The following MCF2L2 variants were observed in gnomAD, a reference collection of about 807,000 sequenced individuals.
MCF2L2 encodes probable guanine nucleotide exchange factor MCF2L2.
Under a neutral mutation model 150.2 loss-of-function variants are expected in MCF2L2, and 102 were observed. The ratio of observed to expected loss-of-function variants is 0.68; its 90% CI spans 0.58 to 0.80. MCF2L2 has a LOEUF of 0.80. Ranked by LOEUF, MCF2L2 falls within the 30% of genes least tolerant of loss-of-function variation. The pLI is 0.00. For missense variants in MCF2L2, 1,256 were observed against 1,372.8 expected, an observed-to-expected ratio of 0.91 and a Z score of 1.34; for synonymous variants, 465 against 491.3, an observed-to-expected ratio of 0.95 and a Z score of 0.71.
rs61537238 is a variant in MCF2L2 at position 183,350,700 on chromosome 3, C to T, written c.276-9070G>A. On this transcript the variant is annotated intron_variant, in intron 3 of 29. Coordinates refer to ENST00000328913, the MANE Select transcript of MCF2L2 (RefSeq NM_015078.4). Reference sequence around the variant, plus strand: ...CAGGTGGATCACGAGGTCAGGAGATCGAGACCATCCTGTCTAACACGGTGA... The same window carrying T: ...CAGGTGGATCACGAGGTCAGGAGATTGAGACCATCCTGTCTAACACGGTGA... Among the ~76,000 whole-genome samples, 26 of 152,188 alleles carry T rather than the reference C, an allele frequency of 1.7e-4. No homozygotes were observed. In the East Asian group the frequency reaches 5.0e-3, roughly 29 times the overall value.
chr3:183,214,830 C>CA (rs576928280), intron 22 of MCF2L2, among the ~76,000 whole-genome samples: 11,156 of 123,884 alleles, frequency 0.09, 513 homozygotes, highest in Middle Eastern at 0.16. Flanking sequence ...ACTAAAAATA[C>CA]AAAAAAAAAA....
intron 10 of MCF2L2, among the ~76,000 whole-genome samples, chr3:183,304,033 C>T (rs988388696): frequency 1.1e-4 from 17 of 152,298 alleles, no homozygotes; most frequent in African/African-American, 4.1e-4. Context: ...CACCTGCTGT[C>T]TGCCTAGAAA....
In MCF2L2 at chr3:183,368,963, T is replaced by C. The variant is rs145685571; in HGVS notation, c.275+10334A>G. Among the ~76,000 whole-genome samples the C allele has an allele frequency of 3.5e-3, 537 of 152,358 alleles. 3 individuals carry two copies. Among genetic ancestry groups the C allele is most frequent in the African/African-American group, 0.012 (518 of 41,572 alleles). ...GATTATTCAATCAGAAAGGTATTTG[T>C]GCAAATGCTTAGAATCCTTTAAGAA... On this transcript the variant is annotated intron_variant, in intron 3 of 29. Coordinates refer to ENST00000328913, the MANE Select transcript of MCF2L2 (RefSeq NM_015078.4).
At chr3:183,401,504 G>C (rs1430275292) in intron 1 of MCF2L2, among the ~76,000 whole-genome samples, 1 of 152,130 alleles carries the variant, frequency 6.6e-6, no homozygotes, top group Non-Finnish European at 1.5e-5. Context: ...ATTTCGGTGA[G>C]CTTTGACAAA....
intron 1 of MCF2L2, among the ~76,000 whole-genome samples, chr3:183,393,734 CCATGGG>C (rs1403625012): frequency 6.6e-6 from 1 of 152,184 alleles, no homozygotes; most frequent in Non-Finnish European, 1.5e-5. Flanking sequence ...CCAGCATGTC[CCATGGG>C]AATTCCACTG....
intron 8 of MCF2L2, among the ~76,000 whole-genome samples, chr3:183,311,414 G>A (rs957079358): frequency 5.9e-5 from 9 of 152,156 alleles, no homozygotes; most frequent in African/African-American, 2.2e-4. Flanking sequence ...CAAAATCCTA[G>A]GGTGGGAACA....
At chr3:183,304,802 A>G (rs73068063) in intron 10 of MCF2L2, among the ~76,000 whole-genome samples, 1,921 of 152,070 alleles carry the variant, frequency 0.013, 45 homozygotes, top group African/African-American at 0.044. Context: ...TCTTTGGTTC[A>G]CTGCTGTGTC....
intron 27 of MCF2L2, among the ~76,000 whole-genome samples, chr3:183,189,129 G>A (rs1297194023): frequency 6.6e-6 from 1 of 152,190 alleles, no homozygotes; most frequent in Non-Finnish European, 1.5e-5. Flanking sequence ...AGCAGCTAGA[G>A]CAGTCTTGAA....
chr3:183,279,452 C>G (rs889844491), intron 14 of MCF2L2, among the ~76,000 whole-genome samples: 1 of 152,178 alleles, frequency 6.6e-6, no homozygotes, highest in Admixed American at 6.5e-5. Flanking sequence ...CTTATGAGCT[C>G]CATTGAATGA....
At chr3:183,409,551 C>A (rs1037858669) in intron 1 of MCF2L2, among the ~76,000 whole-genome samples, 10 of 121,748 alleles carry the variant, frequency 8.2e-5, no homozygotes, top group South Asian at 2.7e-4. Context: ...GCTAAAATTT[C>A]TTTTTTTTTT....
intron 1 of MCF2L2, among the ~76,000 whole-genome samples, chr3:183,423,355 A>T (rs1715983185): frequency 6.6e-6 from 1 of 152,186 alleles, no homozygotes; most frequent in African/African-American, 2.4e-5. Context: ...CAGAAGTAGC[A>T]ACCTGGGTTA....
chr3:183,340,716 G>A (rs1232402631), intron 4 of MCF2L2, among the ~76,000 whole-genome samples: 2 of 152,140 alleles, frequency 1.3e-5, no homozygotes. Context: ...GCTGAGGTGG[G>A]CAGATCACTT....
chr3:183,298,765 G>GCGCACGCGCGCACACACACA, intron 11 of MCF2L2: 5 of 138,500 alleles, frequency 3.6e-5, no homozygotes, highest in Admixed American at 1.4e-4. Flanking sequence ...AAACACACAT[G>GCGCACGCGCGCACACACACA]CACACACACA....
chr3:183,222,613 C>CTTGTTT (rs373581618), intron 20 of MCF2L2, among the ~76,000 whole-genome samples: 7 of 151,948 alleles, frequency 4.6e-5, no homozygotes, highest in African/African-American at 1.2e-4. Flanking sequence ...ACAGTAGGTG[C>CTTGTTT]TTGTTTTTGT....
At chr3:183,230,166 T>G (rs1313679282) in intron 16 of MCF2L2, among the ~76,000 whole-genome samples, 1 of 152,194 alleles carries the variant, frequency 6.6e-6, no homozygotes, top group African/African-American at 2.4e-5. Flanking sequence ...CAGGCTGGAG[T>G]GCAATGGCGT....
intron 5 of MCF2L2, among the ~76,000 whole-genome samples, chr3:183,329,266 G>A (rs1036315697): frequency 6.6e-6 from 1 of 152,028 alleles, no homozygotes; most frequent in Admixed American, 6.6e-5. Flanking sequence ...GCATGATCTC[G>A]GCTCACTGCA....
intron 1 of MCF2L2, among the ~76,000 whole-genome samples, chr3:183,395,474 G>A (rs542521955): frequency 9.9e-5 from 15 of 152,162 alleles, no homozygotes; most frequent in South Asian, 2.1e-4. Flanking sequence ...GTTTACATAC[G>A]GAAAAGTATG....
intron 4 of MCF2L2, 30 bp downstream of exon 4, chr3:183,341,510 T>C (rs1322497774): frequency 1.3e-6 from 2 of 1,512,424 alleles, no homozygotes; most frequent in South Asian, 2.3e-5. Context: ...AAATGACTTT[T>C]ATAATAAAAG....
At chr3:183,427,491 G>A (rs1253753391) in intron 1 of MCF2L2, among the ~76,000 whole-genome samples, 1 of 152,118 alleles carries the variant, frequency 6.6e-6, no homozygotes. Context: ...AGCCTTCAGT[G>A]GCGTGGCAAT....
Sources: allele counts gnomAD v4.1 joint callset (sites outside exome capture counted in the v4.1 genomes callset), GRCh38; gene constraint gnomAD v4.1.1; transcripts MANE v1.5; gene names NCBI Gene and HGNC (gene_info 2026-07-23, HGNC 2026-07-21).